Variants in NEDD4L observed in about 807,000 individuals in gnomAD.
NEDD4L encodes E3 ubiquitin-protein ligase NEDD4-like.
Under a neutral mutation model 148.9 loss-of-function variants are expected in NEDD4L, and 54 were observed. That is an observed-to-expected ratio of 0.36 (90% CI 0.29 to 0.45). The LOEUF is 0.45. NEDD4L is among the 20% of genes least tolerant of loss of function. NEDD4L has a pLI of 1.00. For missense variants in NEDD4L, 856 were observed against 1,233.8 expected, an observed-to-expected ratio of 0.69 and a Z score of 4.59; for synonymous variants, 433 against 440.7, an observed-to-expected ratio of 0.98 and a Z score of 0.22.
intron 8 of NEDD4L, 148 bp from the exon 9 acceptor site, chr18:58,324,848 G>A (rs1365269446): frequency 4.3e-6 from 3 of 700,456 alleles, no homozygotes; most frequent in South Asian, 2.3e-5. Flanking sequence ...CCTTCATTTG[G>A]GAATTTACTC....
rs75964914 is a variant in NEDD4L at position 58,083,204 on chromosome 18, C to T, written c.48+38496C>T. Among the ~76,000 whole-genome samples the T allele has an allele frequency of 1.5e-3, 223 of 152,196 alleles. 1 individual carries two copies. The East Asian group carries it at 0.021, about 14-fold the overall frequency. On this transcript the variant is annotated intron_variant, in intron 1 of 30. Coordinates refer to ENST00000400345, the MANE Select transcript of NEDD4L (RefSeq NM_001144967.3). ...AATGGCCCAGTTAGTGGTATATATACGAGAAGTGCTGCAGTGGTTCACAGT... is the reference window on the plus strand; with the variant it reads ...AATGGCCCAGTTAGTGGTATATATATGAGAAGTGCTGCAGTGGTTCACAGT...
chr18:58,080,649 G>A (rs566129525), intron 1 of NEDD4L, among the ~76,000 whole-genome samples: 1 of 152,350 alleles, frequency 6.6e-6, no homozygotes, highest in South Asian at 2.1e-4. Context: ...GATGCCCTCA[G>A]GCGGGGATGT....
chr18:58,227,183 G>A (rs1056056460), intron 2 of NEDD4L, among the ~76,000 whole-genome samples: 12 of 152,214 alleles, frequency 7.9e-5, no homozygotes, highest in Non-Finnish European at 1.8e-4. Context: ...TTGGTAAAAT[G>A]TAGGCTCCGC....
At chr18:58,218,754 T>G (rs770664029) in intron 2 of NEDD4L, among the ~76,000 whole-genome samples, 3 of 152,214 alleles carry the variant, frequency 2.0e-5, no homozygotes, top group Non-Finnish European at 4.4e-5. Context: ...GGTTTTAGAC[T>G]TAGTCTCAGA....
chr18:58,187,720 G>A (rs1185720827), intron 2 of NEDD4L, among the ~76,000 whole-genome samples: 1 of 152,032 alleles, frequency 6.6e-6, no homozygotes, highest in Non-Finnish European at 1.5e-5. Flanking sequence ...TTAAATGCAC[G>A]ATTTCCTTTT....
chr18:58,144,659 A>C lies in NEDD4L; in HGVS notation c.49-21129A>C, dbSNP rs529469043. 5.3e-5 allele frequency among the ~76,000 whole-genome samples: 8 copies of C among 152,290 alleles called. No individual in the cohort carries two copies. In the East Asian group the frequency reaches 7.7e-4, roughly 15 times the overall value. ...TTATGAAAGTCAGTCCTGGAAAAAA[A>C]AAACAAACAAACCTGAAACCATAGA... On this transcript the variant is annotated intron_variant, in intron 1 of 30. Coordinates refer to ENST00000400345, the MANE Select transcript of NEDD4L (RefSeq NM_001144967.3).
At chr18:58,308,177 C>T (rs1270481382) in intron 5 of NEDD4L, among the ~76,000 whole-genome samples, 1 of 152,090 alleles carries the variant, frequency 6.6e-6, no homozygotes, top group Non-Finnish European at 1.5e-5. Context: ...TATCAGTTTG[C>T]TTTGTAAGAA....
chr18:58,286,772 C>T (rs1167781614), intron 5 of NEDD4L, among the ~76,000 whole-genome samples: 2 of 152,154 alleles, frequency 1.3e-5, no homozygotes, highest in Non-Finnish European at 1.5e-5. Context: ...GAATATTAAA[C>T]ACCAGTAAGT....
rs76732732 is a variant in NEDD4L at position 58,095,608 on chromosome 18, C to A, written c.48+50900C>A. The stretch of plus-strand genomic sequence containing the variant: ...GCCTTGGTTGGTCCCATGGAATCCT[C>A]GCCCATTGGGGCCATGGGCATTGAT... On this transcript the variant is annotated intron_variant, in intron 1 of 30. Coordinates refer to ENST00000400345, the MANE Select transcript of NEDD4L (RefSeq NM_001144967.3). 3.1e-3 allele frequency among the ~76,000 whole-genome samples: 478 copies of A among 152,324 alleles called. 2 individuals are homozygous for A. Among genetic ancestry groups the A allele is most frequent in the Non-Finnish European group, 5.3e-3 (363 of 68,024 alleles).
chr18:58,196,250 A>C (rs111648470), intron 2 of NEDD4L, among the ~76,000 whole-genome samples: 2,479 of 152,330 alleles, frequency 0.016, 31 homozygotes, highest in Non-Finnish European at 0.026. Flanking sequence ...GAGCATAGCT[A>C]ATGCAATCAG....
chr18:58,133,417 A>G (rs2032424546), intron 1 of NEDD4L, among the ~76,000 whole-genome samples: 1 of 152,204 alleles, frequency 6.6e-6, no homozygotes. Flanking sequence ...GTTGGAGCTC[A>G]GAAGAACGTA....
chr18:58,307,391 C>T (rs1172684157), intron 5 of NEDD4L, among the ~76,000 whole-genome samples: 2 of 152,098 alleles, frequency 1.3e-5, no homozygotes, highest in Non-Finnish European at 1.5e-5. Flanking sequence ...AAATTGTGAG[C>T]CTAATTTTTC....
chr18:58,363,070 G>C (rs2045681182), intron 19 of NEDD4L, among the ~76,000 whole-genome samples: 1 of 152,224 alleles, frequency 6.6e-6, no homozygotes. Flanking sequence ...ATTGTCTATA[G>C]ATTGCTCCTA....
At chr18:58,177,190 G>A (rs1249859209) in intron 2 of NEDD4L, among the ~76,000 whole-genome samples, 3 of 151,872 alleles carry the variant, frequency 2.0e-5, no homozygotes, top group East Asian at 1.9e-4. Flanking sequence ...CCCCACGCCC[G>A]TGCCCTGAAT....
intron 5 of NEDD4L, among the ~76,000 whole-genome samples, chr18:58,261,656 C>T (rs374431273): frequency 6.6e-6 from 1 of 152,126 alleles, no homozygotes; most frequent in East Asian, 1.9e-4. Flanking sequence ...TATGTAAAAA[C>T]TACCTTAAAA....
At position 58,329,140 on chromosome 18, in the gene NEDD4L, C is replaced by T. The variant is rs1601319351; in HGVS notation, c.813+13C>T. 6.2e-7 allele frequency: 1 copy of T among 1,612,994 alleles called. No homozygotes were observed. The highest frequency in any genetic ancestry group is 8.5e-7 in the Non-Finnish European group (1 of 1,179,436). On this transcript the variant is annotated intron_variant, in intron 10 of 30. Transcript: ENST00000400345. ...GGATGTCCCCGAGGTACGATGTCCC[C>T]AGAATGGTGCAAAGCCCGGCAGCTC...
chr18:58,361,801 G>A (rs970946831), intron 19 of NEDD4L, among the ~76,000 whole-genome samples: 11 of 151,986 alleles, frequency 7.2e-5, no homozygotes, highest in African/African-American at 1.7e-4. Flanking sequence ...CATTTTTCAC[G>A]TAGACCTATT....
intron 18 of NEDD4L, among the ~76,000 whole-genome samples, chr18:58,351,627 C>A (rs1442502537): frequency 1.3e-5 from 2 of 152,098 alleles, no homozygotes; most frequent in Non-Finnish European, 2.9e-5. Context: ...AAAAGTTCAA[C>A]TAATAAAAGT....
intron 30 of NEDD4L, among the ~76,000 whole-genome samples, chr18:58,395,596 T>G (rs548961050): frequency 5.7e-4 from 86 of 152,170 alleles, no homozygotes; most frequent in African/African-American, 1.9e-3. Context: ...AGCTTAGCAC[T>G]GGTGTTCCCG....
Sources: gnomAD v4.1 joint callset for allele counts (sites outside exome capture counted in the v4.1 genomes callset) on GRCh38, gnomAD v4.1.1 for gene constraint, MANE v1.5 for transcripts, NCBI Gene and HGNC (gene_info 2026-07-23, HGNC 2026-07-21) for gene names.